Variants in TRMT10B observed in about 807,000 individuals in gnomAD.
TRMT10B encodes tRNA methyltransferase 10B.
TRMT10B carries 33 observed loss-of-function variants against 43.8 expected under a neutral mutation model. The ratio of observed to expected loss-of-function variants is 0.75; its 90% CI spans 0.57 to 1.01. The LOEUF (loss-of-function observed/expected upper bound fraction) is 1.01, where lower values mean the gene tolerates loss of function less well. Ranked by LOEUF, TRMT10B falls within the 50% of genes least tolerant of loss-of-function variation. The probability of loss-of-function intolerance (pLI) is 0.00; values close to 1 mark genes in which losing one functional copy is unlikely to be tolerated. For synonymous variants in TRMT10B, 137 were observed against 130.6 expected (o/e 1.05, Z -0.34); for missense variants, 362 against 369.8 (o/e 0.98, Z 0.17).
rs1589053812 is a variant in TRMT10B, at chr9:37,777,785, C to G, written c.*78C>G. The G allele has an allele frequency of 1.7e-6, 2 of 1,173,508 alleles. No individual in the cohort carries two copies. The highest frequency in any genetic ancestry group is 2.4e-5 in the East Asian group (1 of 41,846). The allele number at this position is 1,173,508 out of a possible 1,614,324, so 72.7% of individuals were successfully genotyped here. Reference sequence around the variant, plus strand: ...CTTTGGTAGACCGAAGTGGGCAGATCACCTGAGGTCAGGAGTTCACGACCA... The same window carrying G: ...CTTTGGTAGACCGAAGTGGGCAGATGACCTGAGGTCAGGAGTTCACGACCA... On this transcript the variant is annotated 3_prime_UTR_variant, in exon 9 of 9. Coordinates refer to ENST00000297994, the MANE Select transcript of TRMT10B (RefSeq NM_144964.4).
intron 3 of TRMT10B, 118 bp downstream of exon 3, chr9:37,762,803 C>A: frequency 1.6e-6 from 2 of 1,262,514 alleles, no homozygotes; most frequent in South Asian, 1.6e-5. Context: ...GTGGGACCCA[C>A]TGCCCTATTT....
intron 7 of TRMT10B, among the ~76,000 whole-genome samples, chr9:37,771,813 C>T (rs1278820260): frequency 6.6e-6 from 1 of 152,076 alleles, no homozygotes; most frequent in Non-Finnish European, 1.5e-5. Context: ...CTTGATCAAA[C>T]TTAGTATCAC....
chr9:37,763,790 A>G (rs761916375), intron 4 of TRMT10B, 37 bp downstream of exon 4: 7 of 1,612,918 alleles, frequency 4.3e-6, no homozygotes, highest in Non-Finnish European at 5.1e-6. Context: ...CCTGCTCGCC[A>G]TGAGGGAGGC....
chr9:37,769,308 TAAAAAAA>T (rs57651814), intron 5 of TRMT10B, among the ~76,000 whole-genome samples: 29 of 60,726 alleles, frequency 4.8e-4, no homozygotes, highest in South Asian at 1.9e-3. Context: ...ACCCTGTCTT[TAAAAAAA>T]AAAAAAAAAA....
chr9:37,768,839 T>C (rs927231681), intron 5 of TRMT10B, among the ~76,000 whole-genome samples: 1 of 152,210 alleles, frequency 6.6e-6, no homozygotes, highest in African/African-American at 2.4e-5. Flanking sequence ...GTCTTCACAG[T>C]CTCTCTTGTA....
intron 7 of TRMT10B, among the ~76,000 whole-genome samples, chr9:37,775,869 T>C (rs1054314762): frequency 6.6e-6 from 1 of 152,232 alleles, no homozygotes; most frequent in Middle Eastern, 3.2e-3. Flanking sequence ...CTAATGCCAC[T>C]TGTTGCAGTG....
At chr9:37,777,345 C>CA (rs1455829393) in intron 8 of TRMT10B, among the ~76,000 whole-genome samples, 1 of 148,926 alleles carries the variant, frequency 6.7e-6, no homozygotes, top group African/African-American at 2.5e-5. Context: ...CAGGCCACAG[C>CA]AGAGCCCTTC....
At chr9:37,753,639 G>A (rs557188317), upstream of TRMT10B, among the ~76,000 whole-genome samples, 31 of 152,348 alleles carry the variant, frequency 2.0e-4, no homozygotes, top group African/African-American at 6.5e-4. Context: ...CAGAGAAGGT[G>A]GGCAACCACC....
At chr9:37,766,315 G>C (rs1312659064) in intron 4 of TRMT10B, among the ~76,000 whole-genome samples, 8 of 152,062 alleles carry the variant, frequency 5.3e-5, no homozygotes, top group Admixed American at 5.2e-4. Flanking sequence ...AGTTTTCCCA[G>C]CACCATTTAT....
Position 37,762,062 on chromosome 9 carries a change from A to AT in TRMT10B, c.131_132insT (p.Glu44AspfsTer101). 1 of 1,614,104 alleles carries AT rather than the reference A, an allele frequency of 6.2e-7. No homozygotes were observed. Among genetic ancestry groups the AT allele is most frequent in the Non-Finnish European group, 8.5e-7 (1 of 1,180,016 alleles). On this transcript the variant is annotated frameshift_variant, in exon 2 of 9. Transcript: ENST00000297994. LOFTEE classifies it high-confidence loss of function. Reference sequence around the variant, plus strand: ...TTCCAGCTTCTGCAGATCGATGCGGAAGGCGAGTGCCAGGAGGGAGAGATC... The same window carrying AT: ...TTCCAGCTTCTGCAGATCGATGCGGATAGGCGAGTGCCAGGAGGGAGAGATC...
intron 4 of TRMT10B, 26 bp from the exon 5 acceptor site, chr9:37,768,050 C>A (rs2118847047): frequency 6.2e-7 from 1 of 1,609,580 alleles, no homozygotes; most frequent in East Asian, 2.2e-5. Context: ...ATGTTTTTGC[C>A]CTGAGTTGTT....
In TRMT10B at chr9:37,778,906, C is replaced by T. The variant is rs1828461240; in HGVS notation, c.*1199C>T. 6.6e-6 allele frequency: 1 copy of T among 152,290 alleles called. No homozygotes were observed. Among genetic ancestry groups the T allele is most frequent in the African/African-American group, 2.4e-5 (1 of 41,552 alleles). 9.4% of individuals were successfully genotyped at this position (152,290 alleles called of 1,614,324 possible). On this transcript the variant is annotated 3_prime_UTR_variant, in exon 9 of 9. Transcript: ENST00000297994. Reference sequence around the variant, plus strand: ...ATCTGTGTACCTATCTTTCTATCCTCCCTGAGCCTGTACCAACTAGATTCT... The same window carrying T: ...ATCTGTGTACCTATCTTTCTATCCTTCCTGAGCCTGTACCAACTAGATTCT...
At chr9:37,777,545 T>C (rs778221683) in intron 8 of TRMT10B, 56 bp from the exon 9 acceptor site, 8 of 1,370,934 alleles carry the variant, frequency 5.8e-6, no homozygotes, top group Middle Eastern at 1.8e-4. Flanking sequence ...CCTTTTCATT[T>C]ACTCGTTCTT....
intron 7 of TRMT10B, among the ~76,000 whole-genome samples, chr9:37,774,363 A>G (rs1827910619): frequency 6.6e-6 from 1 of 152,188 alleles, no homozygotes; most frequent in African/African-American, 2.4e-5. Context: ...TGACTTACAG[A>G]TGTGCAGTTT....
chr9:37,772,252 A>G (rs910614073), intron 7 of TRMT10B, among the ~76,000 whole-genome samples: 9 of 152,170 alleles, frequency 5.9e-5, no homozygotes, highest in South Asian at 2.1e-4. Context: ...GACTCAAGCA[A>G]TCTACTCACC....
At chr9:37,762,427 A>T in intron 2 of TRMT10B, 150 bp from the exon 3 acceptor site, 1 of 1,179,386 alleles carries the variant, frequency 8.5e-7, no homozygotes, top group Non-Finnish European at 1.2e-6. Context: ...TCTAAACACG[A>T]TCCAGTCTAG....
rs11306620 is a variant in TRMT10B at position 37,777,194 on chromosome 9, C to CAAAAAAAA, written c.845-376_845-369dup. 9.0e-4 allele frequency among the ~76,000 whole-genome samples: 27 copies of CAAAAAAAA among 29,984 alleles called. 1 individual carries two copies. Among genetic ancestry groups the CAAAAAAAA allele is most frequent in the African/African-American group, 2.8e-3 (20 of 7,102 alleles). The allele number at this position is 29,984 out of a possible 152,430, so 19.7% of individuals were successfully genotyped here. A position where few individuals can be genotyped will look rare whatever the true frequency, so the allele number is the denominator to read the frequency against. ...GAGCAACAAGAGTGCAACTCCGCCT[C>CAAAAAAAA]AAAAAAAAAAAAAAAAAAAAAAAAA... On this transcript the variant is annotated intron_variant, in intron 8 of 8. Coordinates refer to ENST00000297994, the MANE Select transcript of TRMT10B (RefSeq NM_144964.4).
chr9:37,777,506 GGTTT>G, intron 8 of TRMT10B, 91 bp from the exon 9 acceptor site: 1 of 1,035,242 alleles, frequency 9.7e-7, no homozygotes, highest in Non-Finnish European at 1.5e-6. Flanking sequence ...GTGCAGAATA[GGTTT>G]GTTGAACGAA....
In TRMT10B at chr9:37,764,137, A is replaced by T. The variant is rs540166099; in HGVS notation, c.420+384A>T. 8.6e-5 allele frequency among the ~76,000 whole-genome samples: 13 copies of T among 151,856 alleles called. 1 individual carries two copies. The South Asian group carries it at 2.7e-3, about 32-fold the overall frequency. On this transcript the variant is annotated intron_variant, in intron 4 of 8. Coordinates refer to ENST00000297994, the MANE Select transcript of TRMT10B (RefSeq NM_144964.4). ...TTACCTGGTGGAAGAACTTTTTGCA[A>T]TGTGTGTGTTTTTTGTTGTTGTTTT...
Sources: gnomAD v4.1 joint callset for allele counts (sites outside exome capture counted in the v4.1 genomes callset) on GRCh38, gnomAD v4.1.1 for gene constraint, MANE v1.5 for transcripts, NCBI Gene and HGNC (gene_info 2026-07-23, HGNC 2026-07-21) for gene names.